UBE2H: variants seen among roughly 807,000 people sequenced by gnomAD.
The protein encoded by UBE2H is ubiquitin conjugating enzyme E2 H.
Under a neutral mutation model 29.0 loss-of-function variants are expected in UBE2H, and 3 were observed. That is an observed-to-expected ratio of 0.10 (90% confidence interval 0.05 to 0.27). The LOEUF (loss-of-function observed/expected upper bound fraction) is 0.27, where lower values mean the gene tolerates loss of function less well. Ranked by LOEUF, UBE2H falls within the 10% of genes least tolerant of loss-of-function variation. The pLI is 1.00. For missense variants in UBE2H, 68 were observed against 228.2 expected, an observed-to-expected ratio of 0.30 and a Z score of 4.52; for synonymous variants, 69 against 82.9, an observed-to-expected ratio of 0.83 and a Z score of 0.91.
intron 3 of UBE2H, among the ~76,000 whole-genome samples, chr7:129,875,221 G>A (rs1806123255): frequency 6.6e-6 from 1 of 152,140 alleles, no homozygotes; most frequent in Admixed American, 6.6e-5. Context: ...AACAGCTATG[G>A]ATAACATCAA....
At chr7:129,940,400 T>C (rs755630310) in intron 1 of UBE2H, among the ~76,000 whole-genome samples, 15 of 152,168 alleles carry the variant, frequency 9.9e-5, no homozygotes, top group Non-Finnish European at 2.2e-4. Flanking sequence ...CTCCAAGTGC[T>C]ACAGAACAGG....
At chr7:129,937,528 G>A (rs1461752859) in intron 1 of UBE2H, among the ~76,000 whole-genome samples, 1 of 152,128 alleles carries the variant, frequency 6.6e-6, no homozygotes, top group Non-Finnish European at 1.5e-5. Context: ...CTACTTTAAT[G>A]CAGGAGCTCG....
chr7:129,871,425 T>G (rs1270344070), intron 3 of UBE2H, among the ~76,000 whole-genome samples: 1 of 152,204 alleles, frequency 6.6e-6, no homozygotes. Context: ...CAAAAGATAC[T>G]TATCATTGGC....
At chr7:129,846,766 C>G (rs1481827521) in intron 5 of UBE2H, among the ~76,000 whole-genome samples, 1 of 152,146 alleles carries the variant, frequency 6.6e-6, no homozygotes. Context: ...GAAACCACCA[C>G]CAAGTGGTGC....
intron 1 of UBE2H, among the ~76,000 whole-genome samples, chr7:129,882,591 C>T (rs1327995873): frequency 6.6e-6 from 1 of 152,120 alleles, no homozygotes; most frequent in African/African-American, 2.4e-5. Context: ...TGATCTAATT[C>T]TTTTCTAAAC....
chr7:129,927,458 T>C (rs1563049136), intron 1 of UBE2H, among the ~76,000 whole-genome samples: 2 of 152,182 alleles, frequency 1.3e-5, no homozygotes, highest in Non-Finnish European at 2.9e-5. Flanking sequence ...GAGAATTGCT[T>C]GAACCCTGGA....
Position 129,874,112 on chromosome 7 carries a change from G to C in UBE2H, c.205+5456C>G, listed in dbSNP as rs534494157. Among the ~76,000 whole-genome samples the C allele has an allele frequency of 2.6e-5, 4 of 152,032 alleles. No homozygotes were observed. In the South Asian group the frequency reaches 8.3e-4, roughly 32 times the overall value. ...TATTCTATAGTTCTATCTGAAATTA[G>C]GATACAATTCTGTTAATAGTAGCCA... On this transcript the variant is annotated intron_variant, in intron 3 of 6. Coordinates refer to ENST00000355621, the MANE Select transcript of UBE2H (RefSeq NM_003344.4).
chr7:129,951,833 GTCT>G (rs1188857892), intron 1 of UBE2H, among the ~76,000 whole-genome samples: 2 of 152,076 alleles, frequency 1.3e-5, no homozygotes, highest in Non-Finnish European at 2.9e-5. Flanking sequence ...GGGCCCGGGG[GTCT>G]TCATCACATA....
At chr7:129,950,108 A>G (rs1210902463) in intron 1 of UBE2H, among the ~76,000 whole-genome samples, 1 of 152,212 alleles carries the variant, frequency 6.6e-6, no homozygotes, top group African/African-American at 2.4e-5. Flanking sequence ...AATTCAACAG[A>G]GAAAGGAGGA....
At chr7:129,901,549 T>C (rs750614256) in intron 1 of UBE2H, among the ~76,000 whole-genome samples, 2 of 152,160 alleles carry the variant, frequency 1.3e-5, no homozygotes, top group Non-Finnish European at 2.9e-5. Context: ...GATGACTAAC[T>C]GTATATGAGG....
intron 3 of UBE2H, among the ~76,000 whole-genome samples, chr7:129,869,681 A>G (rs1443715253): frequency 2.6e-5 from 4 of 152,166 alleles, no homozygotes; most frequent in African/African-American, 9.7e-5. Context: ...ACTCACACGA[A>G]TATTCTTCTG....
At chr7:129,863,154 A>G (rs10227968) in intron 3 of UBE2H, among the ~76,000 whole-genome samples, 2,873 of 152,330 alleles carry the variant, frequency 0.019, 90 homozygotes, top group African/African-American at 0.066. Flanking sequence ...ACAGTTTTCA[A>G]TTAAATCTAG....
At chr7:129,917,364 A>G (rs181963703) in intron 1 of UBE2H, among the ~76,000 whole-genome samples, 8 of 152,330 alleles carry the variant, frequency 5.3e-5, no homozygotes, top group Admixed American at 5.2e-4. Flanking sequence ...CAGAAAGAAA[A>G]TGAAATAGTC....
At chr7:129,932,797 A>AAAAAAAAT (rs1807436503) in intron 1 of UBE2H, among the ~76,000 whole-genome samples, 1 of 139,172 alleles carries the variant, frequency 7.2e-6, no homozygotes, top group East Asian at 2.0e-4. Flanking sequence ...AAAAAAAAAA[A>AAAAAAAAT]GTCCTGTCAG....
At chr7:129,902,271 G>A (rs984966719) in intron 1 of UBE2H, among the ~76,000 whole-genome samples, 1 of 152,210 alleles carries the variant, frequency 6.6e-6, no homozygotes, top group African/African-American at 2.4e-5. Flanking sequence ...GGCCGAGGCG[G>A]ATGGATCACC....
At chr7:129,937,125 C>T (rs1438094922) in intron 1 of UBE2H, among the ~76,000 whole-genome samples, 1 of 151,824 alleles carries the variant, frequency 6.6e-6, no homozygotes, top group Non-Finnish European at 1.5e-5. Context: ...GTCAGGAGAT[C>T]GAGACCATCC....
chr7:129,839,434 C>T (rs1805387440), intron 5 of UBE2H, 99 bp from the exon 6 acceptor site: 30 of 1,527,982 alleles, frequency 2.0e-5, no homozygotes, highest in Non-Finnish European at 2.6e-5. Context: ...TAGATATTCA[C>T]ACGGGGATGA....
intron 3 of UBE2H, among the ~76,000 whole-genome samples, chr7:129,867,699 TAA>T (rs59742626): frequency 3.4e-4 from 10 of 29,636 alleles, no homozygotes; most frequent in South Asian, 2.5e-3. Context: ...TAGAGTATAA[TAA>T]AAAAAAAAAA....
chr7:129,864,039 C>T (rs1182580667), intron 3 of UBE2H, among the ~76,000 whole-genome samples: 1 of 152,166 alleles, frequency 6.6e-6, no homozygotes, highest in Non-Finnish European at 1.5e-5. Flanking sequence ...GTGATCCACC[C>T]ACCTCAGCCT....
Sources: gnomAD v4.1 joint callset for allele counts (sites outside exome capture counted in the v4.1 genomes callset) on GRCh38, gnomAD v4.1.1 for gene constraint, MANE v1.5 for transcripts, NCBI Gene and HGNC (gene_info 2026-07-23, HGNC 2026-07-21) for gene names.